ODF2: variants seen among roughly 807,000 people sequenced by gnomAD.
ODF2 encodes outer dense fiber protein 2.
In ODF2, 47 loss-of-function variants were observed where a neutral mutation model predicts 110.2. That is an observed-to-expected ratio of 0.43 (90% CI 0.34 to 0.54). ODF2 has a LOEUF of 0.54. ODF2 is among the 20% of genes least tolerant of loss of function. The probability of loss-of-function intolerance (pLI) is 0.03; values close to 1 mark genes in which losing one functional copy is unlikely to be tolerated. For synonymous variants in ODF2, 352 were observed against 397.7 expected (o/e 0.89, Z 1.37); for missense variants, 812 against 1,054.5 (o/e 0.77, Z 3.19).
chr9:128,489,002 G>A (rs980506650), intron 14 of ODF2, among the ~76,000 whole-genome samples: 3 of 152,174 alleles, frequency 2.0e-5, no homozygotes, highest in African/African-American at 2.4e-5. Flanking sequence ...GCGAAACTCC[G>A]TCTCAAAAGA....
Position 128,498,543 on chromosome 9 carries a change from T to C in ODF2, c.2143T>C (p.Leu715=), listed in dbSNP as rs769499209. 13 of 1,608,314 alleles carry C rather than the reference T, an allele frequency of 8.1e-6. No individual in the cohort carries two copies. The East Asian group carries it at 1.6e-4, about 19-fold the overall frequency. Residue 715 remains leucine, a synonymous_variant, in exon 19 of 21, where the codon TTG becomes CTG. Coordinates refer to ENST00000604420, the Ensembl canonical transcript of ODF2. ...GGAATGTGGGACCCTGGCAAGGCAG[T>C]TGGAGAGTGCCATTGAAGATGCGAG...
rs1004146945 is a variant in ODF2 at position 128,494,259 on chromosome 9, C to A, written c.1753-251C>A. ...GCAAGTGTGCAGAGAGCCCCTGGTACAATGCCTGGGTCTTGGTGTTTACTG... is the reference window on the plus strand; with the variant it reads ...GCAAGTGTGCAGAGAGCCCCTGGTAAAATGCCTGGGTCTTGGTGTTTACTG... On this transcript the variant is annotated intron_variant, in intron 16 of 20. Coordinates refer to ENST00000604420, the Ensembl canonical transcript of ODF2. This position sits in a 1 kb window ranked among gnomAD's most constrained non-coding sequence, Gnocchi z 4.6. 6.6e-6 allele frequency among the ~76,000 whole-genome samples: 1 copy of A among 152,200 alleles called. No individual in the cohort carries two copies. The highest frequency in any genetic ancestry group is 6.5e-5 in the Admixed American group (1 of 15,286).
At position 128,485,532 on chromosome 9, in the gene ODF2, TGGGAGGGGCCTAGTGGCTCA is replaced by T; in HGVS notation, c.1400+63_1400+82del. The T allele has an allele frequency of 1.0e-6, 1 of 963,504 alleles. No individual in the cohort carries two copies. The highest frequency in any genetic ancestry group is 1.7e-6 in the Non-Finnish European group (1 of 604,398). 59.7% of individuals were successfully genotyped at this position (963,504 alleles called of 1,614,324 possible). A position where few individuals can be genotyped will look rare whatever the true frequency, so the allele number is the denominator to read the frequency against. On this transcript the variant is annotated intron_variant, in intron 13 of 20. Transcript: ENST00000604420. This position sits in a 1 kb window ranked among gnomAD's most constrained non-coding sequence, Gnocchi z 5.0. ...CTGTTGAGGGACTTGGGTGTGCAGG[TGGGAGGGGCCTAGTGGCTCA>T]GGGAAGGCCACGTGGCTGCTGTTTG...
At chr9:128,467,190 T>G (rs1196598618) in intron 4 of ODF2, among the ~76,000 whole-genome samples, 2 of 150,754 alleles carry the variant, frequency 1.3e-5, no homozygotes, top group Non-Finnish European at 2.9e-5. Context: ...CTGGGCTGTA[T>G]GGTATAGCCT....
chr9:128,488,096 G>C, intron 14 of ODF2, 71 bp downstream of exon 14: 1 of 1,568,452 alleles, frequency 6.4e-7, no homozygotes, highest in Non-Finnish European at 8.7e-7. Context: ...CTTGTCTTAC[G>C]TGGGCCTGGG....
intron 2 of ODF2, 62 bp from the exon 2 acceptor site, chr9:128,459,505 A>T (rs529705577): frequency 1.5e-6 from 2 of 1,306,130 alleles, no homozygotes; most frequent in Non-Finnish European, 2.2e-6. Flanking sequence ...ATTTCATGAG[A>T]TCTGAAATAT....
chr9:128,483,280 C>T (rs1441272564), intron 10 of ODF2, among the ~76,000 whole-genome samples: 1 of 152,102 alleles, frequency 6.6e-6, no homozygotes, highest in Admixed American at 6.6e-5. Context: ...GGTGCAGTAG[C>T]TCATGTCTGG....
At chr9:128,498,201 A>G in intron 18 of ODF2, 1 of 548,982 alleles carries the variant, frequency 1.8e-6, no homozygotes, top group Non-Finnish European at 2.8e-6. Flanking sequence ...CTGCGTTCCC[A>G]CCCTTCACTC....
rs533406175 is a variant in ODF2, at chr9:128,471,571, A to G, written c.581+103A>G. 12 of 1,059,594 alleles carry G rather than the reference A, an allele frequency of 1.1e-5. No individual in the cohort carries two copies. The Admixed American group carries it at 3.2e-4, about 28-fold the overall frequency. The allele number at this position is 1,059,594 out of a possible 1,614,324, so 65.6% of individuals were successfully genotyped here. ...AGCAACGTAGGAGGTGGGCACAGGCACTGTGCCTGTGCCCTGGAGCCTGTT... is the reference window on the plus strand; with the variant it reads ...AGCAACGTAGGAGGTGGGCACAGGCGCTGTGCCTGTGCCCTGGAGCCTGTT... On this transcript the variant is annotated intron_variant, in intron 6 of 20. Transcript: ENST00000604420.
At chr9:128,457,127 C>G in intron 1 of ODF2, 5 of 1,441,192 alleles carry the variant, frequency 3.5e-6, no homozygotes. Context: ...GCGGTTCTGC[C>G]CCGTCCCCTC....
At chr9:128,486,301 A>AG (rs1292234957) in intron 13 of ODF2, among the ~76,000 whole-genome samples, 3 of 152,212 alleles carry the variant, frequency 2.0e-5, no homozygotes, top group African/African-American at 7.2e-5. Context: ...GCTCTATGCC[A>AG]GCTGCTGTCC....
chr9:128,459,684 C>T, intron 3 of ODF2, 27 bp downstream of exon 2: 2 of 1,567,298 alleles, frequency 1.3e-6, no homozygotes, highest in Non-Finnish European at 1.8e-6. Context: ...CGTAGCAGCC[C>T]TCTTTGGTCA....
At chr9:128,466,202 AC>A (rs1837845459) in intron 4 of ODF2, among the ~76,000 whole-genome samples, 1 of 151,900 alleles carries the variant, frequency 6.6e-6, no homozygotes, top group Non-Finnish European at 1.5e-5. Flanking sequence ...CTGGTGTCTC[AC>A]GCCTGTAATC....
chr9:128,500,320 G>C, exon 21 of ODF2: 5 of 1,531,670 alleles, frequency 3.3e-6, no homozygotes, highest in Non-Finnish European at 4.5e-6. Flanking sequence ...CCAAGCCATA[G>C]CTGAGAAGCC....
chr9:128,495,015 C>G (rs1009026478), intron 17 of ODF2, among the ~76,000 whole-genome samples: 1 of 152,184 alleles, frequency 6.6e-6, no homozygotes, highest in Admixed American at 6.5e-5. Flanking sequence ...CGTAGAATTT[C>G]TTTTTTTCTC....
At chr9:128,476,568 G>A (rs1294809952) in intron 8 of ODF2, among the ~76,000 whole-genome samples, 3 of 151,596 alleles carry the variant, frequency 2.0e-5, no homozygotes, top group African/African-American at 2.4e-5. Flanking sequence ...AATTACAGGC[G>A]TGAGCCACCA....
chr9:128,471,474 G>A lies in ODF2; in HGVS notation c.581+6G>A. 6.2e-7 allele frequency: 1 copy of A among 1,612,802 alleles called. No homozygotes were observed. On this transcript the variant is annotated splice_donor_region_variant and intron_variant, in intron 6 of 20. Transcript: ENST00000604420. ...GAGGAGAAGGACTTCACCATGTAAG[G>A]TGGCTCCTGCTCTGTCCCCGCTGAT... is the stretch of plus-strand genomic sequence containing the variant.
At chr9:128,477,162 G>C (rs532808182) in intron 8 of ODF2, among the ~76,000 whole-genome samples, 1 of 151,332 alleles carries the variant, frequency 6.6e-6, no homozygotes, top group African/African-American at 2.4e-5. Flanking sequence ...AACCCAGGAG[G>C]GGGGAAGTTG....
chr9:128,486,775 G>C (rs1272699413), intron 13 of ODF2, among the ~76,000 whole-genome samples: 1 of 152,208 alleles, frequency 6.6e-6, no homozygotes, highest in Admixed American at 6.5e-5. Flanking sequence ...TCCTGCCTGT[G>C]TTAGGTGAGT....
Sources: allele counts gnomAD v4.1 joint callset (sites outside exome capture counted in the v4.1 genomes callset), GRCh38; gene constraint gnomAD v4.1.1; non-coding constraint Gnocchi (gnomAD v3.1); transcripts MANE v1.5; gene names NCBI Gene and HGNC (gene_info 2026-07-23, HGNC 2026-07-21).